Variants in CAPN3 observed in about 807,000 individuals in gnomAD.
CAPN3 encodes the protein calpain-3.
A neutral mutation model predicts 114.0 loss-of-function variants in CAPN3; 88 were observed. That is an observed-to-expected ratio of 0.77 (90% CI 0.65 to 0.92). The LOEUF is 0.92. Ranked by LOEUF, CAPN3 falls within the 40% of genes least tolerant of loss-of-function variation. The pLI is 0.00. For missense variants in CAPN3, 1,028 were observed against 1,069.0 expected, an observed-to-expected ratio of 0.96 and a Z score of 0.53; for synonymous variants, 386 against 382.9, an observed-to-expected ratio of 1.01 and a Z score of -0.09.
intron 8 of CAPN3, 34 bp from the exon 9 acceptor site, chr15:42,396,766 T>G (rs1306021906): frequency 1.3e-6 from 2 of 1,564,704 alleles, no homozygotes; most frequent in African/African-American, 2.7e-5. Flanking sequence ...CTTCCCTTCT[T>G]CCTGCTTCCT....
intron 15 of CAPN3, among the ~76,000 whole-genome samples, chr15:42,407,973 G>A (rs745784369): frequency 4.6e-5 from 7 of 152,106 alleles, no homozygotes; most frequent in African/African-American, 1.2e-4. Flanking sequence ...AGCATTTCAC[G>A]TGCTGAGCTC....
chr15:42,380,555 G>C (rs1436497080), intron 1 of CAPN3, among the ~76,000 whole-genome samples: 1 of 146,460 alleles, frequency 6.8e-6, no homozygotes, highest in South Asian at 2.1e-4. Context: ...TAATATGTTT[G>C]TATGTGTGTG....
rs551379230 is a variant in CAPN3, at chr15:42,388,133, C to T, written c.632+247C>T. On this transcript the variant is annotated intron_variant, in intron 4 of 23. Coordinates refer to ENST00000397163, the MANE Select transcript of CAPN3 (RefSeq NM_000070.3). The stretch of plus-strand genomic sequence containing the variant: ...GACCTTTAGCTTTAGCTTACCATAG[C>T]GAGTTCTTTCATTGCACCTCCATGG... Among the ~76,000 whole-genome samples, 10 of 152,262 alleles carry T rather than the reference C, an allele frequency of 6.6e-5. No homozygotes were observed. The South Asian group carries it at 1.0e-3, about 16-fold the overall frequency.
intron 1 of CAPN3, among the ~76,000 whole-genome samples, chr15:42,369,955 A>G (rs1311403423): frequency 6.7e-6 from 1 of 150,200 alleles, no homozygotes; most frequent in Non-Finnish European, 1.5e-5. Flanking sequence ...TTACTGCAAC[A>G]TACATCTCCT....
chr15:42,410,065 G>A (rs908668615), intron 19 of CAPN3, 70 bp downstream of exon 19: 1 of 1,413,418 alleles, frequency 7.1e-7, no homozygotes, highest in Non-Finnish European at 1.0e-6. Context: ...CATACAGGGT[G>A]CCCAGTCAGG....
At chr15:42,410,851 C>T (rs1486880119) in intron 21 of CAPN3, 33 bp from the exon 22 acceptor site, 1 of 1,561,192 alleles carries the variant, frequency 6.4e-7, no homozygotes, top group South Asian at 1.1e-5. Context: ...GCCTCCAGCT[C>T]CACGTCCACC....
intron 7 of CAPN3, among the ~76,000 whole-genome samples, chr15:42,393,648 T>C (rs1192738970): frequency 6.7e-6 from 1 of 150,236 alleles, no homozygotes; most frequent in Non-Finnish European, 1.5e-5. Flanking sequence ...GGCTGGAGTG[T>C]AGTGGCACAG....
intron 1 of CAPN3, among the ~76,000 whole-genome samples, chr15:42,366,804 G>A (rs1291263808): frequency 2.0e-5 from 3 of 149,712 alleles, no homozygotes; most frequent in African/African-American, 5.0e-5. Context: ...TCCACGACCC[G>A]ACCCTCACAG....
chr15:42,367,699 A>G (rs1308501325), intron 1 of CAPN3, among the ~76,000 whole-genome samples: 1 of 152,140 alleles, frequency 6.6e-6, no homozygotes, highest in African/African-American at 2.4e-5. Flanking sequence ...CAGTCTGAAC[A>G]CTCATCCTTA....
intron 1 of CAPN3, among the ~76,000 whole-genome samples, chr15:42,372,460 G>A (rs1595805874): frequency 1.3e-5 from 2 of 152,148 alleles, no homozygotes; most frequent in South Asian, 4.1e-4. Context: ...CGCCCAGCCT[G>A]CCTTGAACAT....
At chr15:42,407,884 G>A (rs942559663) in intron 15 of CAPN3, among the ~76,000 whole-genome samples, 54 of 151,982 alleles carry the variant, frequency 3.6e-4, no homozygotes, top group African/African-American at 1.3e-3. Context: ...AATTTGAACA[G>A]TGTTTCCATC....
At chr15:42,360,354 G>T (rs750926882) in intron 1 of CAPN3, among the ~76,000 whole-genome samples, 12 of 149,886 alleles carry the variant, frequency 8.0e-5, no homozygotes, top group Admixed American at 2.0e-4. Flanking sequence ...TTATGCTCTG[G>T]CTCTTTCTCT....
At position 42,397,188 on chromosome 15, in the gene CAPN3, A is replaced by G. The variant is rs28364470; in HGVS notation, c.1193+311A>G. Among the ~76,000 whole-genome samples, 552 of 152,254 alleles carry G rather than the reference A, an allele frequency of 3.6e-3. 30 individuals are homozygous for G. In the East Asian group the frequency reaches 0.091, roughly 25 times the overall value. On this transcript the variant is annotated intron_variant, in intron 9 of 23. Coordinates refer to ENST00000397163, the MANE Select transcript of CAPN3 (RefSeq NM_000070.3). ...TTCTTTTCTGAGCCTAGGAAGCTCC[A>G]CTTACCCTGATCTTCCAACGTCAAC... is the stretch of plus-strand genomic sequence containing the variant.
chr15:42,404,249 G>A, intron 14 of CAPN3: 1 of 456,708 alleles, frequency 2.2e-6, no homozygotes, highest in South Asian at 1.5e-5. Flanking sequence ...GTAAAACGGG[G>A]ATGATAATGT....
chr15:42,399,583 T>C lies in CAPN3; in HGVS notation c.1285T>C (p.Trp429Arg). The C allele has an allele frequency of 6.2e-7, 1 of 1,613,936 alleles. No individual in the cohort carries two copies. The highest frequency in any genetic ancestry group is 8.5e-7 in the Non-Finnish European group (1 of 1,179,836). The stretch of plus-strand genomic sequence containing the variant: ...TCTGCAGTCTGACAAGCTTCAGACC[T>C]GGACAGTGTCTGTGAACGAGGGCCG... ...DALQSDKLQT[W>R]TVSVNEGRWV... Residue 429 changes from tryptophan to arginine, a missense_variant, in exon 10 of 24, where the codon TGG becomes CGG. Transcript: ENST00000397163.
intron 14 of CAPN3, chr15:42,404,366 C>T (rs2053961366): frequency 2.2e-6 from 1 of 456,526 alleles, no homozygotes; most frequent in African/African-American, 2.0e-5. Context: ...TTACACCTTA[C>T]AAGGTACTTT....
chr15:42,380,820 A>C (rs1207036072), intron 1 of CAPN3, among the ~76,000 whole-genome samples: 1 of 136,894 alleles, frequency 7.3e-6, no homozygotes, highest in African/African-American at 2.8e-5. Context: ...CAAACTCCTG[A>C]GCTTAAGCAG....
In CAPN3 at chr15:42,396,801, T is replaced by C. The variant is rs775453643; in HGVS notation, c.1117T>C (p.Trp373Arg). 5 of 1,612,948 alleles carry C rather than the reference T, an allele frequency of 3.1e-6. No homozygotes were observed. In the African/African-American group the frequency reaches 4.0e-5, roughly 13 times the overall value. ...TTAATTCCTCCATTTTCCCACCAGA[T>C]GGAAGGACTGGAGCTTTGTGGACAA... is the stretch of plus-strand genomic sequence containing the variant. ...VEWNGSWSDR[W>R]KDWSFVDKDE... Residue 373 changes from tryptophan to arginine, a missense_variant and splice_region_variant, in exon 9 of 24, where the codon TGG becomes CGG. Coordinates refer to ENST00000397163, the MANE Select transcript of CAPN3 (RefSeq NM_000070.3).
At chr15:42,372,367 C>A (rs1272583992) in intron 1 of CAPN3, among the ~76,000 whole-genome samples, 2 of 152,172 alleles carry the variant, frequency 1.3e-5, no homozygotes, top group Non-Finnish European at 2.9e-5. Context: ...CCATGTTGGT[C>A]AGGCTAGTCT....
Sources: gnomAD v4.1 joint callset for allele counts (sites outside exome capture counted in the v4.1 genomes callset) on GRCh38, gnomAD v4.1.1 for gene constraint, MANE v1.5 for transcripts, NCBI Gene and HGNC (gene_info 2026-07-23, HGNC 2026-07-21) for gene names.